Variants in EFHD2 observed in about 807,000 individuals in gnomAD.
EFHD2 encodes EF-hand domain-containing protein D2.
Under a neutral mutation model 20.3 loss-of-function variants are expected in EFHD2, and 12 were observed. The ratio of observed to expected loss-of-function variants is 0.59; its 90% CI spans 0.38 to 0.96. The LOEUF (loss-of-function observed/expected upper bound fraction) is 0.96, where lower values mean the gene tolerates loss of function less well. Ranked by LOEUF, EFHD2 falls within the 40% of genes least tolerant of loss-of-function variation. The probability of loss-of-function intolerance (pLI) is 0.00; values close to 1 mark genes in which losing one functional copy is unlikely to be tolerated. For missense variants in EFHD2, 250 were observed against 334.3 expected, an observed-to-expected ratio of 0.75 and a Z score of 1.97; for synonymous variants, 131 against 143.9, an observed-to-expected ratio of 0.91 and a Z score of 0.64.
chr1:15,420,864 G>T (rs1424118191), intron 1 of EFHD2, among the ~76,000 whole-genome samples: 2 of 152,054 alleles, frequency 1.3e-5, no homozygotes, highest in African/African-American at 4.8e-5. Context: ...GCCCAAGCTG[G>T]TCTGAAACTC....
chr1:15,424,550 C>T (rs1364300297), intron 1 of EFHD2, among the ~76,000 whole-genome samples: 1 of 152,126 alleles, frequency 6.6e-6, no homozygotes, highest in African/African-American at 2.4e-5. Context: ...TGCTTGTTCC[C>T]GGCTTCCCCA....
Position 15,428,731 on chromosome 1 carries a change from C to T in EFHD2, c.*7C>T. The T allele has an allele frequency of 6.4e-7, 1 of 1,573,440 alleles. No homozygotes were observed. Among genetic ancestry groups the T allele is most frequent in the Non-Finnish European group, 8.6e-7 (1 of 1,160,518 alleles). ...GCAGTCCACCTTTAAGTAGCGGGGG[C>T]TGCAGCCGACCGCCCTGCTCCGGCC... On this transcript the variant is annotated 3_prime_UTR_variant, in exon 4 of 4. Transcript: ENST00000375980.
chr1:15,418,527 A>C (rs112146896), intron 1 of EFHD2, among the ~76,000 whole-genome samples: 3,491 of 150,644 alleles, frequency 0.023, 93 homozygotes, highest in East Asian at 0.078. Flanking sequence ...GGATGGTCTC[A>C]ATCTCCTGAC....
intron 1 of EFHD2, among the ~76,000 whole-genome samples, chr1:15,424,614 A>G (rs544082644): frequency 6.6e-6 from 1 of 152,276 alleles, no homozygotes; most frequent in African/African-American, 2.4e-5. Flanking sequence ...ACGTCCCTGA[A>G]CACACCCAGG....
Position 15,410,067 on chromosome 1 carries a change from G to GGCA in EFHD2, c.99_101dup (p.Ala38dup), listed in dbSNP as rs1303977856. Reference sequence around the variant, plus strand: ...CCCCGGAGCAGCCCGGGCTGAACGGGGCAGCGGCGGCGGCGGCGGGGGCAC... The same window carrying GGCA: ...CCCCGGAGCAGCCCGGGCTGAACGGGGCAGCAGCGGCGGCGGCGGCGGGGGCAC... On this transcript the variant is annotated inframe_insertion, in exon 1 of 4. Coordinates refer to ENST00000375980, the MANE Select transcript of EFHD2 (RefSeq NM_024329.6). 5.8e-6 allele frequency: 8 copies of GGCA among 1,385,406 alleles called. No individual in the cohort carries two copies. Among genetic ancestry groups the GGCA allele is most frequent in the Middle Eastern group, 2.4e-4 (1 of 4,234 alleles). 85.8% of individuals were successfully genotyped at this position (1,385,406 alleles called of 1,614,324 possible). A position where few individuals can be genotyped will look rare whatever the true frequency, so the allele number is the denominator to read the frequency against.
In EFHD2 at chr1:15,426,717, A is replaced by G. The variant is rs1246707011; in HGVS notation, c.457-433A>G. ...GGGTAACAGCTTAGAGTTCGAGAGC[A>G]GGGTTCCATCCCTCTGACACGTTCA... On this transcript the variant is annotated intron_variant, in intron 2 of 3. Coordinates refer to ENST00000375980, the MANE Select transcript of EFHD2 (RefSeq NM_024329.6). The surrounding 1 kb of genome is among the most constrained non-coding windows in gnomAD (Gnocchi z 4.6). Among the ~76,000 whole-genome samples the G allele has an allele frequency of 6.6e-6, 1 of 152,106 alleles. No homozygotes were observed. Among genetic ancestry groups the G allele is most frequent in the Non-Finnish European group, 1.5e-5 (1 of 67,992 alleles).
At chr1:15,418,604 C>T (rs115252482) in intron 1 of EFHD2, among the ~76,000 whole-genome samples, 2,596 of 151,558 alleles carry the variant, frequency 0.017, 76 homozygotes, top group African/African-American at 0.059. Flanking sequence ...GGCACCCGGC[C>T]GCAACTTTCT....
intron 1 of EFHD2, among the ~76,000 whole-genome samples, chr1:15,422,424 T>G (rs1233538802): frequency 6.6e-6 from 1 of 151,900 alleles, no homozygotes; most frequent in Non-Finnish European, 1.5e-5. Context: ...GGCCACCCTA[T>G]GCGCTATAGG....
intron 1 of EFHD2, 100 bp downstream of exon 1, chr1:15,410,379 C>A (rs1212209360): frequency 1.0e-5 from 14 of 1,393,684 alleles, no homozygotes; most frequent in Non-Finnish European, 9.5e-7. Flanking sequence ...GGGAGCCTGC[C>A]GTCAGCCAAG....
chr1:15,429,991 A>G lies in EFHD2; in HGVS notation c.*1267A>G, dbSNP rs909378842. The G allele has an allele frequency of 2.0e-5, 3 of 152,690 alleles. No individual in the cohort carries two copies. Among genetic ancestry groups the G allele is most frequent in the African/African-American group, 7.2e-5 (3 of 41,466 alleles). The allele number at this position is 152,690 out of a possible 1,614,324, so 9.5% of individuals were successfully genotyped here. A position where few individuals can be genotyped will look rare whatever the true frequency, so the allele number is the denominator to read the frequency against. On this transcript the variant is annotated 3_prime_UTR_variant, in exon 4 of 4. Coordinates refer to ENST00000375980, the MANE Select transcript of EFHD2 (RefSeq NM_024329.6). The stretch of plus-strand genomic sequence containing the variant: ...TTATGCAACTTTCAGTGTGTGTCAT[A>G]ACGACGTCACTGCTTTTTAAACTCG...
chr1:15,412,564 G>T (rs578160543), intron 1 of EFHD2, among the ~76,000 whole-genome samples: 2 of 152,102 alleles, frequency 1.3e-5, no homozygotes, highest in Non-Finnish European at 1.5e-5. Context: ...TTCCGTGTTC[G>T]TGGCGGATTG....
intron 1 of EFHD2, among the ~76,000 whole-genome samples, chr1:15,416,914 A>G (rs1159706586): frequency 6.6e-6 from 1 of 151,978 alleles, no homozygotes; most frequent in African/African-American, 2.4e-5. Context: ...GGCTTAAGTG[A>G]TCCTCCCACC....
chr1:15,415,192 G>A (rs1707637439), intron 1 of EFHD2, among the ~76,000 whole-genome samples: 1 of 152,192 alleles, frequency 6.6e-6, no homozygotes, highest in African/African-American at 2.4e-5. Flanking sequence ...CTGCCCTCAA[G>A]AGGCTTATAG....
rs181937565 is a variant in EFHD2 at position 15,418,228 on chromosome 1, G to A, written c.309-7643G>A. Among the ~76,000 whole-genome samples the A allele has an allele frequency of 6.6e-3, 985 of 150,370 alleles. 4 individuals carry two copies. The highest frequency in any genetic ancestry group is 0.011 in the Non-Finnish European group (777 of 67,700). ...TGGTCTCAAACTCCTGGCCTCAAGT[G>A]ATCTGCCCGCCTCGGCCTCCCAAAG... On this transcript the variant is annotated intron_variant, in intron 1 of 3. Coordinates refer to ENST00000375980, the MANE Select transcript of EFHD2 (RefSeq NM_024329.6).
At chr1:15,421,392 G>A (rs570932577) in intron 1 of EFHD2, among the ~76,000 whole-genome samples, 25 of 152,192 alleles carry the variant, frequency 1.6e-4, no homozygotes, top group African/African-American at 4.8e-4. Context: ...GGGCTTCACC[G>A]CCCACCCCAG....
chr1:15,425,855 CT>C lies in EFHD2; in HGVS notation c.309-11del, dbSNP rs771401683. ...CTGAGCCAGTGCCAAGATGTCCTCT[CT>C]TTTTGCATCTGCAGGTATGATGCCG... On this transcript the variant is annotated splice_polypyrimidine_tract_variant and intron_variant, in intron 1 of 3. Transcript: ENST00000375980. The C allele has an allele frequency of 6.2e-7, 1 of 1,604,540 alleles. No homozygotes were observed. The highest frequency in any genetic ancestry group is 8.5e-7 in the Non-Finnish European group (1 of 1,176,476).
chr1:15,428,903 C>A lies in EFHD2; in HGVS notation c.*179C>A. ...GAGGTGGCCCGGCCCCTCCCCGCTC[C>A]CTTCCACTCTGCACGAGGCCGCCAC... On this transcript the variant is annotated 3_prime_UTR_variant, in exon 4 of 4. Transcript: ENST00000375980. The A allele has an allele frequency of 1.1e-6, 1 of 929,014 alleles. No homozygotes were observed. The highest frequency in any genetic ancestry group is 1.6e-6 in the Non-Finnish European group (1 of 633,342). The allele number at this position is 929,014 out of a possible 1,614,324, so 57.5% of individuals were successfully genotyped here. A position where few individuals can be genotyped will look rare whatever the true frequency, so the allele number is the denominator to read the frequency against.
intron 1 of EFHD2, among the ~76,000 whole-genome samples, chr1:15,415,261 G>C (rs1707640295): frequency 6.6e-6 from 1 of 152,114 alleles, no homozygotes; most frequent in Admixed American, 6.6e-5. Context: ...CACCCACAAG[G>C]CTAGCAATGG....
rs560136432 is a variant in EFHD2 at position 15,419,986 on chromosome 1, G to T, written c.309-5885G>T. Among the ~76,000 whole-genome samples the T allele has an allele frequency of 1.1e-4, 17 of 152,202 alleles. 1 individual carries two copies. In the South Asian group the frequency reaches 3.3e-3, roughly 30 times the overall value. On this transcript the variant is annotated intron_variant, in intron 1 of 3. Transcript: ENST00000375980. ...CCTCCCAGAGATGCTGGGGCTTTGCGTCGGGCCTAGTAGGGGAAAAGTGGG... is the reference window on the plus strand; with the variant it reads ...CCTCCCAGAGATGCTGGGGCTTTGCTTCGGGCCTAGTAGGGGAAAAGTGGG...
Sources: gnomAD v4.1 joint callset for allele counts (sites outside exome capture counted in the v4.1 genomes callset) on GRCh38, gnomAD v4.1.1 for gene constraint, Gnocchi (gnomAD v3.1) non-coding constraint, MANE v1.5 for transcripts, NCBI Gene and HGNC (gene_info 2026-07-23, HGNC 2026-07-21) for gene names.